CELF2: variants seen among roughly 807,000 people sequenced by gnomAD.
CELF2 encodes the protein CUG triplet repeat RNA-binding protein 2.
In CELF2, 8 loss-of-function variants were observed where a neutral mutation model predicts 62.6. That is an observed-to-expected ratio of 0.13 (90% CI 0.07 to 0.23). The LOEUF (loss-of-function observed/expected upper bound fraction) is 0.23. CELF2 is among the 10% of genes least tolerant of loss of function. The pLI is 1.00. For missense variants in CELF2, 333 were observed against 671.0 expected (o/e 0.50, Z 5.56); for synonymous variants, 258 against 250.0 (o/e 1.03, Z -0.30).
chr10:10,724,658 AAAAAAAAAAAAAG>A, the CELF2 span, among the ~76,000 whole-genome samples: 3 of 148,122 alleles, frequency 2.0e-5, no homozygotes, highest in African/African-American at 5.0e-5. Context: ...TCCGTCTCAA[AAAAAAAAAAAAAG>A]AAAAAAGAAA....
the CELF2 span, among the ~76,000 whole-genome samples, chr10:10,528,108 C>T: frequency 6.6e-6 from 1 of 152,152 alleles, no homozygotes; most frequent in Non-Finnish European, 1.5e-5. Context: ...GCCAGATGTG[C>T]TTTCAATTTA....
chr10:11,180,973 G>A (rs554413845), intron 2 of CELF2, among the ~76,000 whole-genome samples: 15 of 152,286 alleles, frequency 9.8e-5, no homozygotes, highest in African/African-American at 2.9e-4. Context: ...AGGTTCAAGC[G>A]ATTCTCCTGC....
At chr10:10,492,240 C>A in the CELF2 span, among the ~76,000 whole-genome samples, 1 of 152,186 alleles carries the variant, frequency 6.6e-6, no homozygotes, top group Non-Finnish European at 1.5e-5. Flanking sequence ...TCCGTTTGCA[C>A]AACAGCTCAA....
chr10:11,142,529 A>C (rs2061520012), intron 1 of CELF2, among the ~76,000 whole-genome samples: 1 of 151,838 alleles, frequency 6.6e-6, no homozygotes, highest in African/African-American at 2.4e-5. Flanking sequence ...CTAAAAATAC[A>C]AAAAAATTAG....
At position 11,249,404 on chromosome 10, in the gene CELF2, G is replaced by A. The variant is rs567244237; in HGVS notation, c.403+203G>A. Among the ~76,000 whole-genome samples, 31 of 152,304 alleles carry A rather than the reference G, an allele frequency of 2.0e-4. No homozygotes were observed. In the South Asian group the frequency reaches 2.7e-3, roughly 13 times the overall value. Reference sequence around the variant, plus strand: ...TCTCCTGTCCTGTTGATGATCTCTGGCGTAAAGATGTATGAGGCTGTTACA... The same window carrying A: ...TCTCCTGTCCTGTTGATGATCTCTGACGTAAAGATGTATGAGGCTGTTACA... On this transcript the variant is annotated intron_variant, in intron 4 of 12. Coordinates refer to ENST00000633077, the MANE Select transcript of CELF2 (RefSeq NM_001326342.2).
intron 1 of CELF2, among the ~76,000 whole-genome samples, chr10:10,899,301 T>C (rs1039846160): frequency 6.6e-6 from 1 of 152,192 alleles, no homozygotes; most frequent in Non-Finnish European, 1.5e-5. Context: ...TTTGAGAATA[T>C]TGATAAAATT....
chr10:10,669,319 C>T, the CELF2 span, among the ~76,000 whole-genome samples: 4,825 of 152,236 alleles, frequency 0.032, 186 homozygotes, highest in Admixed American at 0.085. Flanking sequence ...AGAGTAAACT[C>T]CTAGTCAAAT....
chr10:11,164,141 C>G (rs2066383256), intron 1 of CELF2, among the ~76,000 whole-genome samples: 1 of 152,214 alleles, frequency 6.6e-6, no homozygotes, highest in African/African-American at 2.4e-5. Context: ...TGTTTCGGCG[C>G]CTTCTATTTT....
the CELF2 span, among the ~76,000 whole-genome samples, chr10:10,646,380 C>G: frequency 6.6e-6 from 1 of 152,220 alleles, no homozygotes; most frequent in Non-Finnish European, 1.5e-5. Flanking sequence ...CTAATTGATG[C>G]TCATCCACAA....
chr10:11,192,324 G>A (rs551214628), intron 2 of CELF2, among the ~76,000 whole-genome samples: 3 of 152,332 alleles, frequency 2.0e-5, no homozygotes, highest in Admixed American at 2.0e-4. Flanking sequence ...CCAAGGGCAT[G>A]GCCTCTTTTA....
At position 11,178,625 on chromosome 10, in the gene CELF2, A is replaced by C. The variant is rs932657739; in HGVS notation, c.271+12943A>C. Among the ~76,000 whole-genome samples the C allele has an allele frequency of 3.9e-5, 6 of 152,254 alleles. No individual in the cohort carries two copies. Among genetic ancestry groups the C allele is most frequent in the African/African-American group, 1.4e-4 (6 of 41,466 alleles). On this transcript the variant is annotated intron_variant, in intron 2 of 12. Transcript: ENST00000633077. The surrounding 1 kb of genome is among the most constrained non-coding windows in gnomAD (Gnocchi z 4.3). Reference sequence around the variant, plus strand: ...ATGCCACAGATTAAACTCCAAGGCAAATAAATGTGTGACAGCTTAAGAGGC... The same window carrying C: ...ATGCCACAGATTAAACTCCAAGGCACATAAATGTGTGACAGCTTAAGAGGC...
the CELF2 span, among the ~76,000 whole-genome samples, chr10:10,742,818 A>G: frequency 6.6e-6 from 1 of 152,198 alleles, no homozygotes; most frequent in Non-Finnish European, 1.5e-5. Context: ...ACCTCACTAG[A>G]AATGTGCATT....
chr10:11,054,242 C>T (rs935917597), intron 1 of CELF2, among the ~76,000 whole-genome samples: 2 of 152,132 alleles, frequency 1.3e-5, no homozygotes, highest in African/African-American at 2.4e-5. Context: ...GATACACAGC[C>T]GTGTCTTTTA....
Position 11,145,716 on chromosome 10 carries a change from G to A in CELF2, c.75-19770G>A, listed in dbSNP as rs144028925. On this transcript the variant is annotated intron_variant, in intron 1 of 12. Transcript: ENST00000633077. The surrounding 1 kb of genome is among the most constrained non-coding windows in gnomAD (Gnocchi z 4.3). ...AACCAGACATGCTTTAGAAAATCCA[G>A]CCAGGCCTCTGTGGTAGATAAGAAG... Among the ~76,000 whole-genome samples the A allele has an allele frequency of 1.3e-4, 20 of 152,250 alleles. No individual in the cohort carries two copies. Among genetic ancestry groups the A allele is most frequent in the African/African-American group, 4.6e-4 (19 of 41,528 alleles).
At chr10:11,160,527 A>G (rs139331265) in intron 1 of CELF2, among the ~76,000 whole-genome samples, 6 of 152,074 alleles carry the variant, frequency 3.9e-5, no homozygotes, top group African/African-American at 7.2e-5. Flanking sequence ...TAAAAATTCA[A>G]TTCCTTAGTT....
At chr10:10,475,804 A>G in the CELF2 span, among the ~76,000 whole-genome samples, 5 of 152,108 alleles carry the variant, frequency 3.3e-5, no homozygotes, top group African/African-American at 1.2e-4. Flanking sequence ...TAAACTCTCA[A>G]TTGTGAGCAA....
intron 3 of CELF2, among the ~76,000 whole-genome samples, chr10:11,231,078 A>G (rs2068478918): frequency 6.6e-6 from 1 of 152,220 alleles, no homozygotes; most frequent in East Asian, 1.9e-4. Context: ...TGCTGGGTCT[A>G]TGTATGTTTT....
chr10:11,124,132 A>G (rs1346574848), intron 1 of CELF2, among the ~76,000 whole-genome samples: 1 of 152,060 alleles, frequency 6.6e-6, no homozygotes, highest in Admixed American at 6.6e-5. Context: ...GAACTGCCCC[A>G]TGATTCATTT....
intron 1 of CELF2, among the ~76,000 whole-genome samples, chr10:10,899,760 G>A (rs1292272816): frequency 6.6e-6 from 1 of 152,196 alleles, no homozygotes; most frequent in Non-Finnish European, 1.5e-5. Flanking sequence ...GGGGAAGCTA[G>A]AGCAGGAGGA....
Sources: allele counts gnomAD v4.1 joint callset (sites outside exome capture counted in the v4.1 genomes callset), GRCh38; gene constraint gnomAD v4.1.1; non-coding constraint Gnocchi (gnomAD v3.1); transcripts MANE v1.5; gene names NCBI Gene and HGNC (gene_info 2026-07-23, HGNC 2026-07-21).